ATG13: variants seen among roughly 807,000 people sequenced by gnomAD.
ATG13 encodes autophagy related 13.
ATG13 carries 23 observed loss-of-function variants against 65.5 expected under a neutral mutation model. The ratio of observed to expected loss-of-function variants is 0.35; its 90% confidence interval spans 0.25 to 0.50. The LOEUF is 0.50. Ranked by LOEUF, ATG13 falls within the 20% of genes least tolerant of loss-of-function variation. ATG13 has a pLI of 0.98. For synonymous variants in ATG13, 252 were observed against 245.2 expected, an observed-to-expected ratio of 1.03 and a Z score of -0.26; for missense variants, 566 against 677.0, an observed-to-expected ratio of 0.84 and a Z score of 1.82.
chr11:46,637,996 T>A (rs1177607322), intron 2 of ATG13, among the ~76,000 whole-genome samples: 1 of 152,232 alleles, frequency 6.6e-6, no homozygotes, highest in Non-Finnish European at 1.5e-5. Flanking sequence ...TTTTCATTTT[T>A]AATTTATGAT....
intron 2 of ATG13, among the ~76,000 whole-genome samples, chr11:46,642,843 G>A (rs1417466189): frequency 6.6e-6 from 1 of 152,166 alleles, no homozygotes; most frequent in Non-Finnish European, 1.5e-5. Context: ...TCGCACACTA[G>A]GTGCAGATCT....
chr11:46,666,820 C>G (rs1262918091), intron 14 of ATG13, among the ~76,000 whole-genome samples: 1 of 152,114 alleles, frequency 6.6e-6, no homozygotes, highest in Non-Finnish European at 1.5e-5. Context: ...TTACTTTGCC[C>G]CCTCACATTC....
In ATG13 at chr11:46,657,180, C is replaced by T; in HGVS notation, c.585C>T (p.Phe195=). Residue 195 remains phenylalanine (F), a synonymous_variant, in exon 9 of 19, where the codon TTC becomes TTT. Coordinates refer to ENST00000683050, the MANE Select transcript of ATG13 (RefSeq NM_001346311.2). ...LSCAYRINLA[F]MSTRQFERTP... Reference sequence around the variant, plus strand: ...GTGCTTACAGAATTAACTTGGCATTCATGTCTACCAGGTGAGGAAGAGCCC... The same window carrying T: ...GTGCTTACAGAATTAACTTGGCATTTATGTCTACCAGGTGAGGAAGAGCCC... 1 of 1,613,336 alleles carries T rather than the reference C, an allele frequency of 6.2e-7. No individual in the cohort carries two copies. The highest frequency in any genetic ancestry group is 2.2e-5 in the East Asian group (1 of 44,882).
chr11:46,659,688 A>T, intron 11 of ATG13: 1 of 482,298 alleles, frequency 2.1e-6, no homozygotes, highest in South Asian at 3.2e-5. Flanking sequence ...TCAAGATTAC[A>T]TTTAGCCCTT....
intron 13 of ATG13, 150 bp downstream of exon 13, chr11:46,665,109 TC>T: frequency 1.1e-6 from 1 of 889,222 alleles, no homozygotes; most frequent in Non-Finnish European, 1.7e-6. Flanking sequence ...CAAAAGTGAC[TC>T]GAGAGGAAGG....
At chr11:46,622,263 G>A (rs959565953) in intron 1 of ATG13, among the ~76,000 whole-genome samples, 2 of 150,788 alleles carry the variant, frequency 1.3e-5, no homozygotes, top group Non-Finnish European at 3.0e-5. Flanking sequence ...GACTACAGGC[G>A]CCCACTACCA....
At chr11:46,668,708 A>G in intron 16 of ATG13, 86 bp from the exon 17 acceptor site, 1 of 1,488,292 alleles carries the variant, frequency 6.7e-7, no homozygotes. Flanking sequence ...GCCAGCATTA[A>G]GTTCTTCCCA....
intron 1 of ATG13, among the ~76,000 whole-genome samples, chr11:46,625,738 A>G (rs940047477): frequency 6.6e-6 from 1 of 152,152 alleles, no homozygotes; most frequent in Non-Finnish European, 1.5e-5. Context: ...TTATCTTGTG[A>G]AAGGGTCCAT....
intron 1 of ATG13, among the ~76,000 whole-genome samples, chr11:46,627,305 G>C (rs1199475421): frequency 6.6e-6 from 1 of 151,936 alleles, no homozygotes. Flanking sequence ...CTTGAACTTG[G>C]GAGGCGGAGG....
chr11:46,634,192 T>A (rs1355130883), intron 2 of ATG13, among the ~76,000 whole-genome samples: 1 of 151,754 alleles, frequency 6.6e-6, no homozygotes, highest in African/African-American at 2.4e-5. Context: ...ACCTCCCAGG[T>A]TCAAGAGATT....
At chr11:46,651,276 G>C (rs1002946100) in intron 7 of ATG13, among the ~76,000 whole-genome samples, 2 of 152,062 alleles carry the variant, frequency 1.3e-5, no homozygotes, top group African/African-American at 2.4e-5. Context: ...AATATAGAAA[G>C]ATAAAATTTG....
At chr11:46,636,131 A>G (rs2053868441) in intron 2 of ATG13, among the ~76,000 whole-genome samples, 1 of 152,154 alleles carries the variant, frequency 6.6e-6, no homozygotes, top group South Asian at 2.1e-4. Flanking sequence ...GGATCGCTTT[A>G]GGCCATTAAC....
intron 2 of ATG13, among the ~76,000 whole-genome samples, chr11:46,635,402 A>G (rs2136043812): frequency 6.6e-6 from 1 of 152,334 alleles, no homozygotes; most frequent in Admixed American, 6.5e-5. Context: ...TGTAATGATC[A>G]AATCAGGGTA....
At chr11:46,658,694 C>T (rs2060526249) in intron 10 of ATG13, among the ~76,000 whole-genome samples, 2 of 152,106 alleles carry the variant, frequency 1.3e-5, no homozygotes, top group South Asian at 4.1e-4. Context: ...CGCCACCACG[C>T]CCGGTTAATT....
chr11:46,640,210 A>G (rs2055493476), intron 2 of ATG13, among the ~76,000 whole-genome samples: 1 of 152,202 alleles, frequency 6.6e-6, no homozygotes, highest in Non-Finnish European at 1.5e-5. Flanking sequence ...GTAGAACAGT[A>G]GGGATGCAAA....
chr11:46,669,354 C>A (rs2063170791), intron 17 of ATG13, 50 bp from the exon 18 acceptor site: 1 of 1,605,550 alleles, frequency 6.2e-7, no homozygotes, highest in South Asian at 1.1e-5. Context: ...CATAGCTTAT[C>A]TCCTCTGTGG....
Position 46,669,294 on chromosome 11 carries a change from AG to A in ATG13, c.1447-109del, listed in dbSNP as rs1592279647. On this transcript the variant is annotated intron_variant, in intron 17 of 18. Transcript: ENST00000683050. ...AAAAGTGTAAAGATTTCTCTCCCTAAGATAAGCCTGAAAGAACCTTTTGATA... is the reference window on the plus strand; with the variant it reads ...AAAAGTGTAAAGATTTCTCTCCCTAAATAAGCCTGAAAGAACCTTTTGATA... 5.9e-6 allele frequency: 8 copies of A among 1,358,294 alleles called. No individual in the cohort carries two copies. The East Asian group carries it at 1.9e-4, about 31-fold the overall frequency. 84.1% of individuals were successfully genotyped at this position (1,358,294 alleles called of 1,614,324 possible). A position where few individuals can be genotyped will look rare whatever the true frequency, so the allele number is the denominator to read the frequency against.
chr11:46,643,936 T>C (rs182375889), intron 2 of ATG13, among the ~76,000 whole-genome samples: 2 of 152,340 alleles, frequency 1.3e-5, no homozygotes, highest in East Asian at 3.9e-4. Flanking sequence ...AATTAACTAA[T>C]GTGTGTTCAG....
At chr11:46,658,724 C>T (rs1054969363) in intron 10 of ATG13, among the ~76,000 whole-genome samples, 1 of 151,866 alleles carries the variant, frequency 6.6e-6, no homozygotes, top group African/African-American at 2.4e-5. Flanking sequence ...TTAGTAGAGA[C>T]GGGGTTTCTC....
Sources: gnomAD v4.1 joint callset for allele counts (sites outside exome capture counted in the v4.1 genomes callset) on GRCh38, gnomAD v4.1.1 for gene constraint, MANE v1.5 for transcripts, NCBI Gene and HGNC (gene_info 2026-07-23, HGNC 2026-07-21) for gene names.